The following DSCAM variants were observed in gnomAD, a reference collection of about 807,000 sequenced individuals.
The protein encoded by DSCAM is cell adhesion molecule DSCAM.
Under a neutral mutation model 217.7 loss-of-function variants are expected in DSCAM, and 47 were observed. The observed-to-expected ratio is 0.22, with a 90% CI of 0.17 to 0.28. The LOEUF (loss-of-function observed/expected upper bound fraction) is 0.28, where lower values mean the gene tolerates loss of function less well. Ranked by LOEUF, DSCAM falls within the 10% of genes least tolerant of loss-of-function variation. The probability of loss-of-function intolerance (pLI) is 1.00; values close to 1 mark genes in which losing one functional copy is unlikely to be tolerated. For synonymous variants in DSCAM, 1,056 were observed against 1,015.3 expected (o/e 1.04, Z -0.76); for missense variants, 2,080 against 2,618.3 (o/e 0.79, Z 4.49).
chr21:40,092,956 A>G (rs1413703596), intron 21 of DSCAM, among the ~76,000 whole-genome samples: 1 of 152,162 alleles, frequency 6.6e-6, no homozygotes, highest in Non-Finnish European at 1.5e-5. Context: ...TGGAGGTAAA[A>G]TTGGAATCTT....
At chr21:40,183,481 G>A (rs2090860384) in intron 14 of DSCAM, among the ~76,000 whole-genome samples, 1 of 152,232 alleles carries the variant, frequency 6.6e-6, no homozygotes, top group African/African-American at 2.4e-5. Context: ...TAGGGGGGCA[G>A]GAGATGATGA....
At chr21:40,699,526 T>C (rs1336078279) in intron 2 of DSCAM, among the ~76,000 whole-genome samples, 2 of 152,130 alleles carry the variant, frequency 1.3e-5, no homozygotes, top group African/African-American at 2.4e-5. Flanking sequence ...TGTAAATGCA[T>C]AGGAAAAGTT....
At chr21:40,317,855 A>C (rs2074216453) in intron 8 of DSCAM, among the ~76,000 whole-genome samples, 1 of 152,162 alleles carries the variant, frequency 6.6e-6, no homozygotes, top group Admixed American at 6.5e-5. Flanking sequence ...TTGATTGAAT[A>C]ATGTTTTTTA....
intron 3 of DSCAM, among the ~76,000 whole-genome samples, chr21:40,545,604 C>G (rs1248854468): frequency 6.6e-6 from 1 of 152,048 alleles, no homozygotes; most frequent in African/African-American, 2.4e-5. Context: ...CTGGGAACCT[C>G]AGTTTCCTCA....
intron 3 of DSCAM, among the ~76,000 whole-genome samples, chr21:40,645,971 A>G (rs1243440342): frequency 2.6e-5 from 4 of 152,204 alleles, no homozygotes; most frequent in African/African-American, 9.6e-5. Context: ...CCTTTAGCCT[A>G]TAAAATTAAC....
At chr21:40,783,064 G>C (rs1282493664) in intron 1 of DSCAM, among the ~76,000 whole-genome samples, 1 of 152,200 alleles carries the variant, frequency 6.6e-6, no homozygotes, top group Non-Finnish European at 1.5e-5. Context: ...TCATCCTTGA[G>C]ACAAACAATG....
chr21:40,731,019 T>C (rs1481447618), intron 1 of DSCAM, among the ~76,000 whole-genome samples: 1 of 152,204 alleles, frequency 6.6e-6, no homozygotes, highest in African/African-American at 2.4e-5. Context: ...ATAATTTACA[T>C]ATTTATTGTT....
rs552346838 is a variant in DSCAM at position 40,194,493 on chromosome 21, G to C, written c.2357-5255C>G. On this transcript the variant is annotated intron_variant, in intron 11 of 32. Transcript: ENST00000400454. ...GGGATTGGTACCAAGGAGAGGCTGT[G>C]GGCAAACCCTGCTAGCAGGGCCAAG... Among the ~76,000 whole-genome samples, 4 of 152,254 alleles carry C rather than the reference G, an allele frequency of 2.6e-5. No individual in the cohort carries two copies. The South Asian group carries it at 8.3e-4, about 32-fold the overall frequency.
intron 1 of DSCAM, among the ~76,000 whole-genome samples, chr21:40,797,020 A>G (rs1208556953): frequency 6.6e-6 from 1 of 152,224 alleles, no homozygotes; most frequent in Admixed American, 6.5e-5. Flanking sequence ...ACCCTTTGAT[A>G]GAGCAGCTTA....
At chr21:40,323,660 A>T (rs2074285019) in intron 8 of DSCAM, among the ~76,000 whole-genome samples, 3 of 152,234 alleles carry the variant, frequency 2.0e-5, no homozygotes, top group Admixed American at 6.5e-5. Flanking sequence ...TCTGAGCAAA[A>T]ATTCAGTTTT....
intron 3 of DSCAM, among the ~76,000 whole-genome samples, chr21:40,577,457 C>CA (rs1346875903): frequency 3.1e-4 from 15 of 47,774 alleles, no homozygotes; most frequent in Admixed American, 6.2e-4. Flanking sequence ...TCAGGTGGCG[C>CA]CCCCCTCCGA....
At chr21:40,804,509 C>G (rs557760732) in intron 1 of DSCAM, among the ~76,000 whole-genome samples, 2 of 152,136 alleles carry the variant, frequency 1.3e-5, no homozygotes, top group South Asian at 4.2e-4. Context: ...TGCCTGCTAG[C>G]CCCTATCTCC....
At chr21:40,102,067 AAG>A (rs1283087177) in intron 20 of DSCAM, among the ~76,000 whole-genome samples, 1 of 150,364 alleles carries the variant, frequency 6.7e-6, no homozygotes, top group African/African-American at 2.5e-5. Context: ...CCCGGGGAGC[AAG>A]AAGTGACCAC....
intron 3 of DSCAM, among the ~76,000 whole-genome samples, chr21:40,638,853 C>G (rs1326604896): frequency 6.6e-6 from 1 of 151,994 alleles, no homozygotes; most frequent in Non-Finnish European, 1.5e-5. Context: ...TAATTATAGG[C>G]TAGGAAAATA....
Position 40,614,834 on chromosome 21 carries a change from C to T in DSCAM, c.508+77976G>A, listed in dbSNP as rs142221986. ...GGCACATGTTTCAGAAGAACATCAA[C>T]AGGATTACATGATATACATTATGTA... is the stretch of plus-strand genomic sequence containing the variant. On this transcript the variant is annotated intron_variant, in intron 3 of 32. Transcript: ENST00000400454. Among the ~76,000 whole-genome samples the T allele has an allele frequency of 4.3e-3, 656 of 152,220 alleles. 6 individuals carry two copies. The highest frequency in any genetic ancestry group is 0.015 in the African/African-American group (629 of 41,516).
intron 16 of DSCAM, among the ~76,000 whole-genome samples, chr21:40,161,004 T>G (rs1226852661): frequency 1.3e-5 from 2 of 152,172 alleles, no homozygotes; most frequent in East Asian, 3.9e-4. Context: ...AAGAATTGCC[T>G]CTTAGGCTGA....
At chr21:40,094,356 C>T (rs2146594151) in intron 20 of DSCAM, among the ~76,000 whole-genome samples, 1 of 152,264 alleles carries the variant, frequency 6.6e-6, no homozygotes, top group African/African-American at 2.4e-5. Flanking sequence ...ATAGAGAGCT[C>T]CACCTCCTCA....
rs144367527 is a variant in DSCAM, at chr21:40,784,484, G to A, written c.43+62135C>T. 1.7e-3 allele frequency among the ~76,000 whole-genome samples: 257 copies of A among 152,160 alleles called. 3 individuals carry two copies. Among genetic ancestry groups the A allele is most frequent in the East Asian group, 1.7e-3 (9 of 5,186 alleles). ...ATGTCTTTATCAGCAGTGTGAAAAC[G>A]GACTAATACAACGTGCTTTGGATTA... On this transcript the variant is annotated intron_variant, in intron 1 of 32. Transcript: ENST00000400454.
intron 1 of DSCAM, among the ~76,000 whole-genome samples, chr21:40,730,717 G>A (rs2091003144): frequency 6.6e-6 from 1 of 152,076 alleles, no homozygotes; most frequent in African/African-American, 2.4e-5. Flanking sequence ...GAGAGGAGGG[G>A]GTGGGAGCAA....
Sources: allele counts gnomAD v4.1 joint callset (sites outside exome capture counted in the v4.1 genomes callset), GRCh38; gene constraint gnomAD v4.1.1; transcripts MANE v1.5; gene names NCBI Gene and HGNC (gene_info 2026-07-23, HGNC 2026-07-21).